Variants in ACVR2A observed in about 807,000 individuals in gnomAD.
ACVR2A encodes the protein activin receptor type-2A.
In ACVR2A, 7 loss-of-function variants were observed where a neutral mutation model predicts 61.4. The ratio of observed to expected loss-of-function variants is 0.11; its 90% CI spans 0.06 to 0.21. The LOEUF (loss-of-function observed/expected upper bound fraction) is 0.21, where lower values mean the gene tolerates loss of function less well. Ranked by LOEUF, ACVR2A falls within the 10% of genes least tolerant of loss-of-function variation. ACVR2A has a pLI of 1.00. For synonymous variants in ACVR2A, 193 were observed against 208.3 expected, an observed-to-expected ratio of 0.93 and a Z score of 0.63; for missense variants, 322 against 621.7, an observed-to-expected ratio of 0.52 and a Z score of 5.13.
chr2:147,854,925 A>G (rs891089935), intron 1 of ACVR2A, among the ~76,000 whole-genome samples: 3 of 151,970 alleles, frequency 2.0e-5, no homozygotes, highest in Non-Finnish European at 2.9e-5. Context: ...TCTGTTGGCC[A>G]GGCTGGAGTG....
chr2:147,890,546 T>C (rs1686557401), intron 1 of ACVR2A, among the ~76,000 whole-genome samples: 1 of 152,192 alleles, frequency 6.6e-6, no homozygotes, highest in Admixed American at 6.5e-5. Flanking sequence ...ATGCACATCA[T>C]TGGTTAAGAA....
intron 4 of ACVR2A, among the ~76,000 whole-genome samples, chr2:147,911,752 G>T (rs1377441739): frequency 6.6e-6 from 1 of 151,936 alleles, no homozygotes; most frequent in Non-Finnish European, 1.5e-5. Context: ...CTTAGGAATG[G>T]CTTTTAGTTT....
chr2:147,845,623 A>G (rs1685292634), intron 1 of ACVR2A, among the ~76,000 whole-genome samples: 1 of 152,118 alleles, frequency 6.6e-6, no homozygotes. Flanking sequence ...GTCATCGTTT[A>G]ATTAGTGCTT....
intron 5 of ACVR2A, among the ~76,000 whole-genome samples, chr2:147,915,617 A>G (rs1164370325): frequency 6.6e-6 from 1 of 151,984 alleles, no homozygotes; most frequent in Non-Finnish European, 1.5e-5. Flanking sequence ...AAAGATTCCA[A>G]TAAACAAGTC....
chr2:147,860,363 T>G (rs1235348414), intron 1 of ACVR2A, among the ~76,000 whole-genome samples: 4 of 151,830 alleles, frequency 2.6e-5, no homozygotes, highest in Non-Finnish European at 5.9e-5. Context: ...TACAAGTGGG[T>G]GTAGGTAAAA....
chr2:147,915,421 T>C (rs1687226110), intron 5 of ACVR2A, 87 bp downstream of exon 5: 1 of 1,526,720 alleles, frequency 6.5e-7, no homozygotes, highest in Admixed American at 1.8e-5. Context: ...ACAGAAGCCA[T>C]ATGTACCAAG....
At chr2:147,915,661 G>A (rs550186478) in intron 5 of ACVR2A, among the ~76,000 whole-genome samples, 10 of 151,926 alleles carry the variant, frequency 6.6e-5, no homozygotes, top group African/African-American at 2.2e-4. Context: ...ATCCCCCTAC[G>A]TTGTCAGAGA....
chr2:147,927,374 GA>G lies in ACVR2A; in HGVS notation c.*101del, dbSNP rs1389551447. ...TTTATTTTCTGTGTAAAATGAGTAG[GA>G]TGTCTCTTGGAAATGTTAAGAAAGA... On this transcript the variant is annotated 3_prime_UTR_variant, in exon 11 of 11. Coordinates refer to ENST00000241416, the MANE Select transcript of ACVR2A (RefSeq NM_001616.5). 9 of 1,150,364 alleles carry G rather than the reference GA, an allele frequency of 7.8e-6. No individual in the cohort carries two copies. The highest frequency in any genetic ancestry group is 1.1e-5 in the Non-Finnish European group (9 of 832,862). The allele number at this position is 1,150,364 out of a possible 1,614,324, so 71.3% of individuals were successfully genotyped here.
chr2:147,848,202 C>G (rs997008453), intron 1 of ACVR2A, among the ~76,000 whole-genome samples: 2 of 152,158 alleles, frequency 1.3e-5, no homozygotes, highest in Admixed American at 6.5e-5. Context: ...GGCAGAATCT[C>G]TTATAAATGG....
At chr2:147,891,347 A>G (rs1686577669) in intron 1 of ACVR2A, among the ~76,000 whole-genome samples, 1 of 152,186 alleles carries the variant, frequency 6.6e-6, no homozygotes, top group Non-Finnish European at 1.5e-5. Flanking sequence ...CATGAATTAA[A>G]TAGGTGATAA....
In ACVR2A at chr2:147,845,191, T is replaced by C; in HGVS notation, c.39T>C (p.Leu13=). 6.2e-7 allele frequency: 1 copy of C among 1,613,098 alleles called. No homozygotes were observed. The highest frequency in any genetic ancestry group is 8.5e-7 in the Non-Finnish European group (1 of 1,179,844). ...AAAKLAFAVF[L]ISCSSGAILG... ...CAAAGTTGGCGTTTGCCGTCTTTCTTATCTCCTGTTCTTCAGGTAGGTGCA... is the reference window on the plus strand; with the variant it reads ...CAAAGTTGGCGTTTGCCGTCTTTCTCATCTCCTGTTCTTCAGGTAGGTGCA... Residue 13 remains leucine, a synonymous_variant, in exon 1 of 11, where the codon CTT becomes CTC. Transcript: ENST00000241416.
intron 1 of ACVR2A, among the ~76,000 whole-genome samples, chr2:147,883,199 T>C (rs7559714): frequency 0.33 from 49,499 of 152,048 alleles, 8,300 homozygotes; most frequent in East Asian, 0.51. Context: ...GTTTTTGTTT[T>C]TGTTTTTTGA....
chr2:147,889,787 A>T (rs981513056), intron 1 of ACVR2A, among the ~76,000 whole-genome samples: 2 of 151,822 alleles, frequency 1.3e-5, no homozygotes, highest in African/African-American at 4.8e-5. Flanking sequence ...ATGGTAAAAC[A>T]TTTTACCAAA....
At chr2:147,851,384 A>G (rs1044415998) in intron 1 of ACVR2A, among the ~76,000 whole-genome samples, 1 of 151,874 alleles carries the variant, frequency 6.6e-6, no homozygotes, top group African/African-American at 2.4e-5. Context: ...CAGTTTTCTC[A>G]TCTACACAAT....
At position 147,927,908 on chromosome 2, in the gene ACVR2A, C is replaced by G. The variant is rs1687542711; in HGVS notation, c.*634C>G. 1 of 152,148 alleles carries G rather than the reference C, an allele frequency of 6.6e-6. No individual in the cohort carries two copies. 9.4% of individuals were successfully genotyped at this position (152,148 alleles called of 1,614,324 possible). A position where few individuals can be genotyped will look rare whatever the true frequency, so the allele number is the denominator to read the frequency against. ...TAAATTATAAAATTGAAAACACTAA[C>G]AAAATTTGAATAATAAATCGATCCA... On this transcript the variant is annotated 3_prime_UTR_variant, in exon 11 of 11. Coordinates refer to ENST00000241416, the MANE Select transcript of ACVR2A (RefSeq NM_001616.5).
At chr2:147,897,723 T>C (rs1686774056) in intron 2 of ACVR2A, among the ~76,000 whole-genome samples, 1 of 152,178 alleles carries the variant, frequency 6.6e-6, no homozygotes, top group African/African-American at 2.4e-5. Flanking sequence ...TTAACTACAC[T>C]TTTTGTGAGA....
chr2:147,880,890 CA>C (rs1285340495), intron 1 of ACVR2A, among the ~76,000 whole-genome samples: 1 of 152,122 alleles, frequency 6.6e-6, no homozygotes, highest in Non-Finnish European at 1.5e-5. Flanking sequence ...GTGTCCTGCC[CA>C]GGGGTGGAAG....
intron 4 of ACVR2A, among the ~76,000 whole-genome samples, chr2:147,905,203 G>T (rs1242100528): frequency 6.6e-6 from 1 of 151,750 alleles, no homozygotes; most frequent in Non-Finnish European, 1.5e-5. Context: ...TTATTTTTTT[G>T]AGTATATATG....
chr2:147,905,232 ATAAAC>A (rs1414591393), intron 4 of ACVR2A, among the ~76,000 whole-genome samples: 2 of 152,056 alleles, frequency 1.3e-5, no homozygotes, highest in African/African-American at 2.4e-5. Flanking sequence ...TTTATAAACT[ATAAAC>A]TATTCCACAA....
Sources: gnomAD v4.1 joint callset for allele counts (sites outside exome capture counted in the v4.1 genomes callset) on GRCh38, gnomAD v4.1.1 for gene constraint, MANE v1.5 for transcripts, NCBI Gene and HGNC (gene_info 2026-07-23, HGNC 2026-07-21) for gene names.